Variants in CTNNA2 observed in about 807,000 individuals in gnomAD.
The protein encoded by CTNNA2 is catenin alpha 2, also known as catenin alpha-2.
A neutral mutation model predicts 101.0 loss-of-function variants in CTNNA2; 42 were observed. The observed-to-expected ratio is 0.42, with a 90% CI of 0.32 to 0.54. The LOEUF (loss-of-function observed/expected upper bound fraction) is 0.54, where lower values mean the gene tolerates loss of function less well. Ranked by LOEUF, CTNNA2 falls within the 20% of genes least tolerant of loss-of-function variation. CTNNA2 has a pLI of 0.14. For missense variants in CTNNA2, 871 were observed against 1,223.1 expected (o/e 0.71, Z 4.29); for synonymous variants, 450 against 456.4 (o/e 0.99, Z 0.18).
At chr2:79,968,622 T>C (rs1183107547) in intron 7 of CTNNA2, among the ~76,000 whole-genome samples, 7 of 151,988 alleles carry the variant, frequency 4.6e-5, no homozygotes, top group Non-Finnish European at 8.8e-5. Context: ...GCCTGGGCAA[T>C]ATTGTAAGAC....
chr2:80,433,343 C>A (rs1314278413), intron 9 of CTNNA2, among the ~76,000 whole-genome samples: 1 of 151,994 alleles, frequency 6.6e-6, no homozygotes, highest in Non-Finnish European at 1.5e-5. Flanking sequence ...ATCTCAGTGA[C>A]CACTGTGGAG....
chr2:79,361,817 G>A (rs1477107873), intron 3 of CTNNA2, among the ~76,000 whole-genome samples: 1 of 152,118 alleles, frequency 6.6e-6, no homozygotes, highest in Admixed American at 6.6e-5. Context: ...TGGGAGGCTA[G>A]GCCAGTCTAG....
At chr2:79,722,347 T>C (rs115696169) in intron 2 of CTNNA2, among the ~76,000 whole-genome samples, 1,946 of 152,234 alleles carry the variant, frequency 0.013, 41 homozygotes, top group African/African-American at 0.045. Flanking sequence ...GTGGCAGCCT[T>C]GGTTGGATTT....
chr2:80,313,785 G>A, intron 7 of CTNNA2: 1 of 672,182 alleles, frequency 1.5e-6, no homozygotes, highest in Non-Finnish European at 2.5e-6. Flanking sequence ...GAACATGAAT[G>A]GAGGAGAAAG....
At chr2:79,902,811 G>A (rs990835955) in intron 6 of CTNNA2, among the ~76,000 whole-genome samples, 3 of 152,004 alleles carry the variant, frequency 2.0e-5, no homozygotes, top group Non-Finnish European at 2.9e-5. Context: ...ATTTTTAGTA[G>A]AGGCGGGGTT....
intron 7 of CTNNA2, among the ~76,000 whole-genome samples, chr2:80,338,149 C>T (rs532660453): frequency 4.6e-5 from 7 of 151,882 alleles, no homozygotes; most frequent in African/African-American, 1.2e-4. Flanking sequence ...CCACCACGCC[C>T]GGCTAATTTT....
intron 7 of CTNNA2, among the ~76,000 whole-genome samples, chr2:79,983,231 TATA>T (rs1343635158): frequency 2.0e-5 from 3 of 149,920 alleles, no homozygotes; most frequent in Non-Finnish European, 3.0e-5. Flanking sequence ...TCCATATTAA[TATA>T]ATAATAAATT....
chr2:80,180,782 T>C (rs1705728793), intron 7 of CTNNA2, among the ~76,000 whole-genome samples: 1 of 152,220 alleles, frequency 6.6e-6, no homozygotes, highest in South Asian at 2.1e-4. Flanking sequence ...TCCCTAAGCC[T>C]TTTGATCCCT....
chr2:80,446,502 A>G (rs1016062723), intron 9 of CTNNA2, among the ~76,000 whole-genome samples: 2 of 152,248 alleles, frequency 1.3e-5, no homozygotes, highest in Admixed American at 6.5e-5. Context: ...AGAGGTGATT[A>G]CAAAACATCG....
At chr2:79,749,730 A>G (rs1464995936) in intron 3 of CTNNA2, among the ~76,000 whole-genome samples, 1 of 152,214 alleles carries the variant, frequency 6.6e-6, no homozygotes, top group Non-Finnish European at 1.5e-5. Context: ...TAAGTCACTT[A>G]ACCACTTTTA....
intron 4 of CTNNA2, among the ~76,000 whole-genome samples, chr2:79,486,568 A>G (rs1288698088): frequency 2.0e-5 from 3 of 152,140 alleles, no homozygotes; most frequent in African/African-American, 4.8e-5. Context: ...AGCATGTTTT[A>G]TAGTCCTTTG....
intron 7 of CTNNA2, among the ~76,000 whole-genome samples, chr2:80,053,010 T>C (rs753595449): frequency 3.3e-5 from 5 of 152,234 alleles, no homozygotes; most frequent in Non-Finnish European, 7.3e-5. Flanking sequence ...TTGTTCCTTA[T>C]GTCTTTGGTG....
intron 7 of CTNNA2, among the ~76,000 whole-genome samples, chr2:79,949,584 A>G (rs1688739613): frequency 1.3e-5 from 2 of 150,670 alleles, no homozygotes; most frequent in Admixed American, 6.7e-5. Context: ...CCTGGGCAAC[A>G]TAGCTAGACC....
rs200129200 is a variant in CTNNA2, at chr2:80,462,616, C to CTTCT, written c.1290+43030_1290+43033dup. On this transcript the variant is annotated intron_variant, in intron 9 of 18. Transcript: ENST00000402739. The stretch of plus-strand genomic sequence containing the variant: ...TCTCATTTTTCTCTCCCTTCCTTTC[C>CTTCT]TTCTTTCTTTCTTTCTTTTTTTTTT... Among the ~76,000 whole-genome samples, 53 of 121,446 alleles carry CTTCT rather than the reference C, an allele frequency of 4.4e-4. 1 individual carries two copies. The highest frequency in any genetic ancestry group is 3.5e-3 in the East Asian group (11 of 3,174). 79.7% of individuals were successfully genotyped at this position (121,446 alleles called of 152,430 possible).
At chr2:79,248,495 C>T (rs958564107) in intron 2 of CTNNA2, among the ~76,000 whole-genome samples, 2 of 152,022 alleles carry the variant, frequency 1.3e-5, no homozygotes, top group South Asian at 2.1e-4. Context: ...TCAATTTAGA[C>T]CAGCCACATT....
At chr2:79,484,519 G>T (rs988184877) in intron 4 of CTNNA2, among the ~76,000 whole-genome samples, 2 of 152,108 alleles carry the variant, frequency 1.3e-5, no homozygotes, top group African/African-American at 2.4e-5. Flanking sequence ...TTAATTTAAT[G>T]TAGAAATTCC....
chr2:80,162,981 C>G (rs1196259204), intron 7 of CTNNA2: 6 of 1,546,874 alleles, frequency 3.9e-6, no homozygotes, highest in Admixed American at 1.7e-5. Context: ...CGAGGCATGA[C>G]TACTTCCTGA....
At chr2:79,725,127 A>G (rs1186488787) in intron 2 of CTNNA2, among the ~76,000 whole-genome samples, 1 of 152,202 alleles carries the variant, frequency 6.6e-6, no homozygotes, top group Non-Finnish European at 1.5e-5. Context: ...CCATGATGAT[A>G]TATGTCTTTC....
At chr2:79,355,791 G>T (rs1200174535) in intron 3 of CTNNA2, among the ~76,000 whole-genome samples, 1 of 152,046 alleles carries the variant, frequency 6.6e-6, no homozygotes, top group African/African-American at 2.4e-5. Flanking sequence ...CCTTTTTAGG[G>T]TTGAGTAACA....
Sources: gnomAD v4.1 joint callset for allele counts (sites outside exome capture counted in the v4.1 genomes callset) on GRCh38, gnomAD v4.1.1 for gene constraint, MANE v1.5 for transcripts, NCBI Gene and HGNC (gene_info 2026-07-23, HGNC 2026-07-21) for gene names.